EEPD1: variants seen among roughly 807,000 people sequenced by gnomAD.
EEPD1 encodes the protein endonuclease/exonuclease/phosphatase family domain-containing protein 1.
Under a neutral mutation model 46.3 loss-of-function variants are expected in EEPD1, and 17 were observed. That is an observed-to-expected ratio of 0.37 (90% CI 0.25 to 0.55). The LOEUF is 0.55. Ranked by LOEUF, EEPD1 falls within the 20% of genes least tolerant of loss-of-function variation. The probability of loss-of-function intolerance (pLI) is 0.83; values close to 1 mark genes in which losing one functional copy is unlikely to be tolerated. For synonymous variants in EEPD1, 313 were observed against 315.6 expected (o/e 0.99, Z 0.09); for missense variants, 673 against 745.6 (o/e 0.90, Z 1.13).
chr7:36,160,680 G>GT (rs1554308602), intron 2 of EEPD1, among the ~76,000 whole-genome samples: 4 of 118,766 alleles, frequency 3.4e-5, no homozygotes, highest in African/African-American at 8.0e-5. Flanking sequence ...AGGTGGTGGG[G>GT]GGCGGGGCGT....
chr7:36,255,649 G>T (rs1786817885), intron 3 of EEPD1, among the ~76,000 whole-genome samples: 2 of 152,196 alleles, frequency 1.3e-5, no homozygotes, highest in Admixed American at 1.3e-4. Flanking sequence ...ATGGTAGTTT[G>T]TATTTCTGTG....
chr7:36,205,436 C>T (rs985934205), intron 2 of EEPD1, among the ~76,000 whole-genome samples: 15 of 152,166 alleles, frequency 9.9e-5, no homozygotes, highest in Admixed American at 2.0e-4. Flanking sequence ...GTCATTGCAA[C>T]GTGATGATTT....
intron 2 of EEPD1, among the ~76,000 whole-genome samples, chr7:36,166,671 C>T (rs111276340): frequency 1.8e-3 from 268 of 152,322 alleles, no homozygotes; most frequent in African/African-American, 6.2e-3. Context: ...CCCCTAATTT[C>T]AAATACAATA....
intron 2 of EEPD1, among the ~76,000 whole-genome samples, chr7:36,209,453 G>A (rs1314983532): frequency 2.6e-5 from 4 of 152,208 alleles, no homozygotes; most frequent in Admixed American, 6.5e-5. Context: ...GCATATACAC[G>A]TGTGCCGTTA....
At chr7:36,167,983 C>G in intron 2 of EEPD1, among the ~76,000 whole-genome samples, 1 of 152,174 alleles carries the variant, frequency 6.6e-6, no homozygotes. Context: ...AGAGTGACCC[C>G]TGTGAAGCCA....
rs1188069453 is a variant in EEPD1, at chr7:36,299,296, C to T, written c.*90C>T. ...GGGTGACGCTTCAGGGCAGAGCTGC[C>T]TTTTAATTTTTATTCTCAGAGCATC... On this transcript the variant is annotated 3_prime_UTR_variant, in exon 8 of 8. Transcript: ENST00000242108. 1.2e-5 allele frequency: 17 copies of T among 1,422,630 alleles called. No individual in the cohort carries two copies. In the East Asian group the frequency reaches 3.7e-4, roughly 31 times the overall value. The allele number at this position is 1,422,630 out of a possible 1,614,324, so 88.1% of individuals were successfully genotyped here.
chr7:36,228,215 T>G (rs559157026), intron 2 of EEPD1, among the ~76,000 whole-genome samples: 2 of 152,258 alleles, frequency 1.3e-5, no homozygotes, highest in African/African-American at 4.8e-5. Flanking sequence ...TGAAATTCCT[T>G]AAGTAACTCC....
intron 2 of EEPD1, among the ~76,000 whole-genome samples, chr7:36,231,385 GC>G (rs1471567600): frequency 6.6e-6 from 1 of 152,120 alleles, no homozygotes; most frequent in African/African-American, 2.4e-5. Flanking sequence ...TGTGTGATTT[GC>G]CACTCTTCTC....
Position 36,183,888 on chromosome 7 carries a change from T to TTTTTTTTTGTTTTTTTTTTTTTTTTTTG in EEPD1, c.878+28686_878+28687insTTTTTTTTGTTTTTTTTTTTTTTTTTTG. Among the ~76,000 whole-genome samples, 3 of 135,490 alleles carry TTTTTTTTTGTTTTTTTTTTTTTTTTTTG rather than the reference T, an allele frequency of 2.2e-5. No individual in the cohort carries two copies. The South Asian group carries it at 6.7e-4, about 30-fold the overall frequency. The allele number at this position is 135,490 out of a possible 152,430, so 88.9% of individuals were successfully genotyped here. Reference sequence around the variant, plus strand: ...TTCCTAGCCCTCGTTTTTTTTTTTTTATTTTTAAAAAAATGTGTGTTGTTG... The same window carrying TTTTTTTTTGTTTTTTTTTTTTTTTTTTG: ...TTCCTAGCCCTCGTTTTTTTTTTTTTTTTTTTTTGTTTTTTTTTTTTTTTTTTGATTTTTAAAAAAATGTGTGTTGTTG... On this transcript the variant is annotated intron_variant, in intron 2 of 7. Coordinates refer to ENST00000242108, the MANE Select transcript of EEPD1 (RefSeq NM_030636.3).
intron 5 of EEPD1, among the ~76,000 whole-genome samples, chr7:36,286,709 C>T (rs748548287): frequency 1.3e-4 from 20 of 152,076 alleles, no homozygotes; most frequent in Non-Finnish European, 2.4e-4. Flanking sequence ...CACAGAGGAG[C>T]GTGTGTGGGA....
intron 3 of EEPD1, among the ~76,000 whole-genome samples, chr7:36,251,838 A>C (rs73341010): frequency 6.6e-6 from 1 of 152,242 alleles, no homozygotes; most frequent in Admixed American, 6.5e-5. Flanking sequence ...AGAATTTAAA[A>C]TTACATATAT....
intron 2 of EEPD1, among the ~76,000 whole-genome samples, chr7:36,158,323 GGCGCACTTGCTAAATTGTGA>G (rs149033930): frequency 0.3 from 45,440 of 151,984 alleles, 7,200 homozygotes; most frequent in African/African-American, 0.42. Flanking sequence ...TCCCTCATCA[GGCGCACTTGCTAAATTGTGA>G]GCCAGTCACA....
At chr7:36,176,999 G>A (rs752882666) in intron 2 of EEPD1, among the ~76,000 whole-genome samples, 2 of 152,186 alleles carry the variant, frequency 1.3e-5, no homozygotes, top group African/African-American at 2.4e-5. Context: ...GACAGAAAGC[G>A]GATCTGTGGT....
chr7:36,207,575 T>C (rs1328117027), intron 2 of EEPD1, among the ~76,000 whole-genome samples: 1 of 152,224 alleles, frequency 6.6e-6, no homozygotes, highest in African/African-American at 2.4e-5. Flanking sequence ...AAGGTGGTTC[T>C]TTATGCAAGG....
At chr7:36,260,836 A>T (rs1390853677) in intron 3 of EEPD1, among the ~76,000 whole-genome samples, 1 of 152,222 alleles carries the variant, frequency 6.6e-6, no homozygotes, top group Non-Finnish European at 1.5e-5. Context: ...AAATATTCAA[A>T]AACGAAAATG....
intron 2 of EEPD1, among the ~76,000 whole-genome samples, chr7:36,202,697 G>T (rs1156540727): frequency 2.0e-5 from 3 of 152,154 alleles, no homozygotes; most frequent in African/African-American, 2.4e-5. Context: ...CAAGCCATGT[G>T]CTTTATGTTT....
At chr7:36,182,062 T>C (rs1338806805) in intron 2 of EEPD1, among the ~76,000 whole-genome samples, 1 of 152,208 alleles carries the variant, frequency 6.6e-6, no homozygotes, top group Non-Finnish European at 1.5e-5. Flanking sequence ...ATCTACAATA[T>C]GCTTCTGGGA....
intron 2 of EEPD1, among the ~76,000 whole-genome samples, chr7:36,215,397 G>A (rs1786012215): frequency 1.3e-5 from 2 of 152,210 alleles, no homozygotes; most frequent in Non-Finnish European, 2.9e-5. Context: ...CTCTCAGTAT[G>A]GACATCCAGC....
chr7:36,228,116 C>T (rs1315786367), intron 2 of EEPD1, among the ~76,000 whole-genome samples: 1 of 152,166 alleles, frequency 6.6e-6, no homozygotes, highest in Non-Finnish European at 1.5e-5. Flanking sequence ...TCATTAATTT[C>T]CTCAGAAGTT....
Sources: gnomAD v4.1 joint callset for allele counts (sites outside exome capture counted in the v4.1 genomes callset) on GRCh38, gnomAD v4.1.1 for gene constraint, MANE v1.5 for transcripts, NCBI Gene and HGNC (gene_info 2026-07-23, HGNC 2026-07-21) for gene names.